LDB2: variants seen among roughly 807,000 people sequenced by gnomAD.
LDB2 encodes the protein LIM domain binding 2.
Under a neutral mutation model 44.3 loss-of-function variants are expected in LDB2, and 12 were observed. The ratio of observed to expected loss-of-function variants is 0.27; its 90% CI spans 0.17 to 0.44. LDB2 has a LOEUF of 0.44. LDB2 is among the 20% of genes least tolerant of loss of function. LDB2 has a pLI of 1.00. For missense variants in LDB2, 344 were observed against 473.5 expected (o/e 0.73, Z 2.54); for synonymous variants, 164 against 174.8 (o/e 0.94, Z 0.49).
At chr4:16,854,900 T>TA (rs1789039887) in intron 1 of LDB2, among the ~76,000 whole-genome samples, 1 of 152,070 alleles carries the variant, frequency 6.6e-6, no homozygotes, top group Admixed American at 6.6e-5. Context: ...TTGGTGGAGA[T>TA]ACAGTTGCAA....
chr4:16,787,809 T>C (rs974773124), intron 1 of LDB2, among the ~76,000 whole-genome samples: 1 of 152,186 alleles, frequency 6.6e-6, no homozygotes, highest in Admixed American at 6.5e-5. Flanking sequence ...CCTAAGGATT[T>C]GGCAGGATTT....
intron 4 of LDB2, 130 bp downstream of exon 4, chr4:16,588,580 T>C (rs570690706): frequency 2.0e-4 from 183 of 899,144 alleles, no homozygotes; most frequent in Middle Eastern, 9.3e-4. Flanking sequence ...ACTCAATATT[T>C]AGAGTTAATT....
intron 2 of LDB2, among the ~76,000 whole-genome samples, chr4:16,621,614 G>A (rs1728904654): frequency 6.6e-6 from 1 of 152,098 alleles, no homozygotes; most frequent in African/African-American, 2.4e-5. Context: ...ATGCAGAGGT[G>A]CAATCATAGT....
chr4:16,675,282 C>T lies in LDB2; in HGVS notation c.236-79407G>A, dbSNP rs137906110. Among the ~76,000 whole-genome samples the T allele has an allele frequency of 4.6e-5, 7 of 152,274 alleles. No individual in the cohort carries two copies. In the East Asian group the frequency reaches 5.8e-4, roughly 13 times the overall value. ...AGATTTCACCAGTTTTCTGTCCACT[C>T]GTTTGAGTATGTGTTTAATTCTATG... On this transcript the variant is annotated intron_variant, in intron 2 of 7. Coordinates refer to ENST00000304523, the MANE Select transcript of LDB2 (RefSeq NM_001290.5).
intron 2 of LDB2, among the ~76,000 whole-genome samples, chr4:16,757,439 G>C (rs1022129042): frequency 6.6e-6 from 1 of 152,174 alleles, no homozygotes; most frequent in Non-Finnish European, 1.5e-5. Context: ...TTAAACAGGC[G>C]ATGATCGTGA....
intron 1 of LDB2, among the ~76,000 whole-genome samples, chr4:16,793,824 TAA>T (rs1776223885): frequency 6.6e-6 from 1 of 152,138 alleles, no homozygotes; most frequent in Admixed American, 6.6e-5. Flanking sequence ...ACATGAAAGT[TAA>T]GAGGGACCAG....
intron 5 of LDB2, among the ~76,000 whole-genome samples, chr4:16,546,646 C>T (rs1470241599): frequency 1.3e-5 from 2 of 152,180 alleles, no homozygotes; most frequent in African/African-American, 4.8e-5. Flanking sequence ...CCTTCCCATC[C>T]ACACTGCCAA....
intron 2 of LDB2, among the ~76,000 whole-genome samples, chr4:16,667,183 G>A (rs1459065088): frequency 2.0e-5 from 3 of 152,166 alleles, no homozygotes; most frequent in Non-Finnish European, 2.9e-5. Context: ...TGGCACTGCT[G>A]ACGGTTCTCA....
chr4:16,579,066 G>T (rs972721850), intron 5 of LDB2, among the ~76,000 whole-genome samples: 1 of 152,130 alleles, frequency 6.6e-6, no homozygotes, highest in African/African-American at 2.4e-5. Context: ...CGGAAAAGGA[G>T]GATGGTTAAT....
chr4:16,635,880 G>A (rs1186438175), intron 2 of LDB2, among the ~76,000 whole-genome samples: 1 of 152,108 alleles, frequency 6.6e-6, no homozygotes, highest in Admixed American at 6.5e-5. Context: ...CTATAGTATA[G>A]GTGAAATGTA....
At chr4:16,541,297 T>C (rs1733682027) in intron 5 of LDB2, among the ~76,000 whole-genome samples, 1 of 148,706 alleles carries the variant, frequency 6.7e-6, no homozygotes, top group Non-Finnish European at 1.5e-5. Context: ...TGTTGTAAAG[T>C]GTAAAGTGTG....
At chr4:16,672,969 C>T (rs1187401877) in intron 2 of LDB2, among the ~76,000 whole-genome samples, 1 of 151,372 alleles carries the variant, frequency 6.6e-6, no homozygotes, top group East Asian at 1.9e-4. Flanking sequence ...TTTCTCCCTC[C>T]CTCCATCCTT....
chr4:16,638,060 C>T (rs538572117), intron 2 of LDB2, among the ~76,000 whole-genome samples: 4 of 152,204 alleles, frequency 2.6e-5, no homozygotes, highest in East Asian at 3.9e-4. Flanking sequence ...AAGGATTAAA[C>T]GAATGAAAAA....
chr4:16,850,476 A>G (rs1376776424), intron 1 of LDB2, among the ~76,000 whole-genome samples: 1 of 152,206 alleles, frequency 6.6e-6, no homozygotes, highest in Non-Finnish European at 1.5e-5. Flanking sequence ...GTAGATAGAT[A>G]TTTAATTTAC....
chr4:16,810,201 C>A (rs1561304323), intron 1 of LDB2, among the ~76,000 whole-genome samples: 2 of 152,162 alleles, frequency 1.3e-5, no homozygotes, highest in East Asian at 3.9e-4. Context: ...AGAGTCCAGT[C>A]ACGGTGCACA....
intron 5 of LDB2, among the ~76,000 whole-genome samples, chr4:16,545,044 G>A (rs1735231534): frequency 6.6e-6 from 1 of 152,070 alleles, no homozygotes. Context: ...ATACACGAAG[G>A]GAAGAAGTAT....
At chr4:16,792,089 C>T (rs1310849935) in intron 1 of LDB2, among the ~76,000 whole-genome samples, 1 of 152,150 alleles carries the variant, frequency 6.6e-6, no homozygotes, top group East Asian at 1.9e-4. Flanking sequence ...CTAACATGTA[C>T]ACACTTGATG....
chr4:16,844,009 T>C (rs1786409154), intron 1 of LDB2, among the ~76,000 whole-genome samples: 1 of 151,320 alleles, frequency 6.6e-6, no homozygotes, highest in African/African-American at 2.4e-5. Context: ...TCCCAACAGT[T>C]TGGGAGCCTA....
At chr4:16,661,350 C>T (rs926796427) in intron 2 of LDB2, among the ~76,000 whole-genome samples, 1 of 152,178 alleles carries the variant, frequency 6.6e-6, no homozygotes, top group African/African-American at 2.4e-5. Context: ...TACAGCAGAA[C>T]TTTCTGGGAA....
Sources: allele counts gnomAD v4.1 joint callset (sites outside exome capture counted in the v4.1 genomes callset), GRCh38; gene constraint gnomAD v4.1.1; transcripts MANE v1.5; gene names NCBI Gene and HGNC (gene_info 2026-07-23, HGNC 2026-07-21).